The following NRG3 variants were observed in gnomAD, a reference collection of about 807,000 sequenced individuals.
The protein encoded by NRG3 is pro-neuregulin-3, membrane-bound isoform.
A neutral mutation model predicts 66.9 loss-of-function variants in NRG3; 31 were observed. The ratio of observed to expected loss-of-function variants is 0.46; its 90% CI spans 0.35 to 0.63. NRG3 has a LOEUF of 0.63. Among genes scored for constraint, NRG3 ranks in the 20% least tolerant of loss-of-function variants. The pLI, the probability that NRG3 is intolerant of heterozygous loss-of-function variation, is 0.00. For synonymous variants in NRG3, 393 were observed against 359.4 expected, an observed-to-expected ratio of 1.09 and a Z score of -1.06; for missense variants, 910 against 878.9, an observed-to-expected ratio of 1.04 and a Z score of -0.45.
intron 1 of NRG3, among the ~76,000 whole-genome samples, chr10:81,981,280 A>G (rs2060323605): frequency 6.6e-6 from 1 of 152,200 alleles, no homozygotes; most frequent in Non-Finnish European, 1.5e-5. Flanking sequence ...TATATTGAAA[A>G]TCCATTGCTA....
At chr10:82,115,399 A>G (rs577287398) in intron 1 of NRG3, among the ~76,000 whole-genome samples, 1 of 152,102 alleles carries the variant, frequency 6.6e-6, no homozygotes, top group African/African-American at 2.4e-5. Flanking sequence ...CCTGATTGAA[A>G]CTTGTATCAA....
intron 3 of NRG3, among the ~76,000 whole-genome samples, chr10:82,752,426 T>G (rs2058904801): frequency 6.6e-6 from 1 of 152,144 alleles, no homozygotes; most frequent in African/African-American, 2.4e-5. Flanking sequence ...TTATCTCTTT[T>G]TATATAAATA....
At chr10:82,102,002 C>T (rs1387064880) in intron 1 of NRG3, among the ~76,000 whole-genome samples, 7 of 108,708 alleles carry the variant, frequency 6.4e-5, no homozygotes, top group Non-Finnish European at 1.0e-4. Context: ...TATATGTGTG[C>T]GTATATATAT....
At chr10:82,348,870 G>T (rs1466506186) in intron 1 of NRG3, among the ~76,000 whole-genome samples, 2 of 149,092 alleles carry the variant, frequency 1.3e-5, no homozygotes, top group Non-Finnish European at 3.0e-5. Flanking sequence ...CGGCTCCTGA[G>T]GCTTCTGCAT....
At chr10:82,838,518 C>T (rs1189274814) in intron 3 of NRG3, among the ~76,000 whole-genome samples, 8 of 152,044 alleles carry the variant, frequency 5.3e-5, no homozygotes, top group African/African-American at 1.9e-4. Context: ...GTCTCATGCT[C>T]AACAAAGATT....
intron 3 of NRG3, among the ~76,000 whole-genome samples, chr10:82,771,450 G>A (rs2059708624): frequency 6.6e-6 from 1 of 152,082 alleles, no homozygotes; most frequent in South Asian, 2.1e-4. Flanking sequence ...CTGGTGTATG[G>A]AAAGGCATCC....
chr10:82,983,885 C>G (rs572130344), intron 8 of NRG3, among the ~76,000 whole-genome samples: 2 of 152,270 alleles, frequency 1.3e-5, no homozygotes, highest in African/African-American at 4.8e-5. Flanking sequence ...CCTACAAAGG[C>G]CTAAATCTCT....
chr10:82,044,569 T>TAA, intron 1 of NRG3, among the ~76,000 whole-genome samples: 1 of 152,028 alleles, frequency 6.6e-6, no homozygotes, highest in African/African-American at 2.4e-5. Flanking sequence ...ATAATTTTTT[T>TAA]TAATTTTTAT....
rs79622518 is a variant in NRG3 at position 82,247,289 on chromosome 10, T to A, written c.824-111450T>A. ...TAACAAATAAATTTATTTTTCACAG[T>A]TCTGGAAGCTGGGAAATTTGAGACC... is the stretch of plus-strand genomic sequence containing the variant. On this transcript the variant is annotated intron_variant, in intron 1 of 8. Transcript: ENST00000372141. Among the ~76,000 whole-genome samples the A allele has an allele frequency of 3.6e-3, 547 of 152,284 alleles. 5 individuals are homozygous for A. Among genetic ancestry groups the A allele is most frequent in the Non-Finnish European group, 4.5e-3 (307 of 68,018 alleles).
intron 1 of NRG3, among the ~76,000 whole-genome samples, chr10:82,071,297 G>A (rs2064792882): frequency 6.6e-6 from 1 of 152,188 alleles, no homozygotes; most frequent in Non-Finnish European, 1.5e-5. Context: ...CAGATGGTGA[G>A]GAGTGCCATT....
chr10:82,450,422 C>T (rs2090965045), intron 2 of NRG3, among the ~76,000 whole-genome samples: 1 of 152,148 alleles, frequency 6.6e-6, no homozygotes, highest in Non-Finnish European at 1.5e-5. Flanking sequence ...GAAGACTGGC[C>T]TTAGCAGCTG....
chr10:82,214,711 C>T (rs1366878597), intron 1 of NRG3, among the ~76,000 whole-genome samples: 1 of 152,058 alleles, frequency 6.6e-6, no homozygotes, highest in Non-Finnish European at 1.5e-5. Flanking sequence ...CACAAGTGAT[C>T]CTCCCACCTC....
At chr10:82,193,023 G>A (rs2074246946) in intron 1 of NRG3, among the ~76,000 whole-genome samples, 1 of 152,066 alleles carries the variant, frequency 6.6e-6, no homozygotes, top group Non-Finnish European at 1.5e-5. Flanking sequence ...GGAAGAGGTA[G>A]AGAGAGAAGA....
intron 3 of NRG3, among the ~76,000 whole-genome samples, chr10:82,784,261 G>A (rs1259722416): frequency 6.6e-6 from 1 of 151,746 alleles, no homozygotes; most frequent in African/African-American, 2.4e-5. Flanking sequence ...AACCCTAGAA[G>A]AAAACCTAGG....
At chr10:82,859,679 G>C (rs894923335) in intron 3 of NRG3, among the ~76,000 whole-genome samples, 6 of 152,156 alleles carry the variant, frequency 3.9e-5, no homozygotes, top group Non-Finnish European at 7.4e-5. Flanking sequence ...AAAAGTTCAA[G>C]GGAACTATTG....
At chr10:82,279,225 C>T (rs1006522011) in intron 1 of NRG3, among the ~76,000 whole-genome samples, 1 of 152,128 alleles carries the variant, frequency 6.6e-6, no homozygotes, top group African/African-American at 2.4e-5. Context: ...CCATTTGACT[C>T]AAACTGTGCT....
chr10:82,846,102 T>C (rs146498056), intron 3 of NRG3, among the ~76,000 whole-genome samples: 1 of 152,254 alleles, frequency 6.6e-6, no homozygotes, highest in Non-Finnish European at 1.5e-5. Flanking sequence ...TCCTGTTTCA[T>C]GGGTGGGATT....
intron 2 of NRG3, among the ~76,000 whole-genome samples, chr10:82,679,512 A>G (rs2053956933): frequency 6.6e-6 from 1 of 152,220 alleles, no homozygotes; most frequent in Admixed American, 6.5e-5. Flanking sequence ...CTTTACATAT[A>G]TTAGCTCATT....
At chr10:82,907,583 A>G (rs537767221) in intron 4 of NRG3, among the ~76,000 whole-genome samples, 1 of 152,344 alleles carries the variant, frequency 6.6e-6, no homozygotes, top group South Asian at 2.1e-4. Flanking sequence ...TTCTTAAACC[A>G]GTCTGTGTTT....
Sources: allele counts gnomAD v4.1 joint callset (sites outside exome capture counted in the v4.1 genomes callset), GRCh38; gene constraint gnomAD v4.1.1; transcripts MANE v1.5; gene names NCBI Gene and HGNC (gene_info 2026-07-23, HGNC 2026-07-21).